Variants in FREM1 observed in about 807,000 individuals in gnomAD.
FREM1 encodes FRAS1 related extracellular matrix 1.
Under a neutral mutation model 210.1 loss-of-function variants are expected in FREM1, and 220 were observed. That is an observed-to-expected ratio of 1.05 (90% CI 0.94 to 1.17). FREM1 has a LOEUF of 1.17. Among genes scored for constraint, FREM1 ranks in the 50% most tolerant of loss-of-function variants. The pLI, the probability that FREM1 is intolerant of heterozygous loss-of-function variation, is 0.00. For missense variants in FREM1, 3,454 were observed against 2,675.5 expected, an observed-to-expected ratio of 1.29 and a Z score of -6.42; for synonymous variants, 1,189 against 980.2, an observed-to-expected ratio of 1.21 and a Z score of -3.98.
At position 14,851,360 on chromosome 9, in the gene FREM1, G is replaced by A. The variant is rs1468684641; in HGVS notation, c.1076C>T (p.Thr359Ile). Residue 359 changes from threonine to isoleucine, a missense_variant, in exon 6 of 37, where the codon ACC becomes ATC. By Grantham distance (89) the Thr-to-Ile change is moderately conservative. Transcript: ENST00000380880. ...LDHTRPISSF[T>I]WKDLSDMQIA... ...CTGCATGTCACTGAGATCTTTCCAG[G>A]TGAATGAGGAGATTGGTCTGGTGTG... 3 of 1,613,648 alleles carry A rather than the reference G, an allele frequency of 1.9e-6. No homozygotes were observed. The highest frequency in any genetic ancestry group is 1.1e-5 in the South Asian group (1 of 91,066).
chr9:14,802,110 A>G (rs981313334), intron 19 of FREM1, among the ~76,000 whole-genome samples: 2 of 152,186 alleles, frequency 1.3e-5, no homozygotes, highest in African/African-American at 4.8e-5. Flanking sequence ...ATTCATTTCC[A>G]TGAAGGACAA....
chr9:14,870,940 T>C (rs990333863), intron 1 of FREM1, among the ~76,000 whole-genome samples: 2 of 151,908 alleles, frequency 1.3e-5, no homozygotes, highest in African/African-American at 4.8e-5. Context: ...TTACTGAGAA[T>C]GATGATTTCC....
At chr9:14,870,970 C>G (rs1206039447) in intron 1 of FREM1, among the ~76,000 whole-genome samples, 1 of 152,006 alleles carries the variant, frequency 6.6e-6, no homozygotes, top group African/African-American at 2.4e-5. Flanking sequence ...CATGTCCCTA[C>G]AAAGGACATG....
intron 1 of FREM1, among the ~76,000 whole-genome samples, chr9:14,879,313 TTGAG>T (rs1193848457): frequency 4.8e-5 from 2 of 41,724 alleles, no homozygotes; most frequent in African/African-American, 5.7e-4. Context: ...AACACTGAGG[TTGAG>T]GAGGTTGAGA....
chr9:14,837,066 C>T (rs923083219), intron 10 of FREM1, among the ~76,000 whole-genome samples: 3 of 152,202 alleles, frequency 2.0e-5, no homozygotes, highest in Non-Finnish European at 4.4e-5. Context: ...CCCAACATGG[C>T]GATTCCCTTG....
chr9:14,898,588 A>G (rs1838192587), intron 1 of FREM1, among the ~76,000 whole-genome samples: 1 of 152,164 alleles, frequency 6.6e-6, no homozygotes, highest in Non-Finnish European at 1.5e-5. Flanking sequence ...CCAAAAATAC[A>G]AAAATCAGCC....
chr9:14,863,784 T>C (rs1831009365), intron 3 of FREM1, 25 bp downstream of exon 3: 4 of 1,427,700 alleles, frequency 2.8e-6, no homozygotes, highest in Admixed American at 1.7e-5. Context: ...TGGCAGCAAA[T>C]GAGCGATGTT....
At chr9:14,886,384 C>CA (rs60702421) in intron 1 of FREM1, among the ~76,000 whole-genome samples, 30,161 of 59,498 alleles carry the variant, frequency 0.51, 8,317 homozygotes, top group East Asian at 0.82. Context: ...GACTCCGACT[C>CA]AAAAAAAAAA....
At chr9:14,742,989 T>A (rs953800816) in intron 35 of FREM1, among the ~76,000 whole-genome samples, 1 of 152,076 alleles carries the variant, frequency 6.6e-6, no homozygotes, top group Non-Finnish European at 1.5e-5. Flanking sequence ...GAACCTCTTT[T>A]TAAAATAAAT....
In FREM1 at chr9:14,793,445, A is replaced by G. The variant is rs540826296; in HGVS notation, c.3840-561T>C. The stretch of plus-strand genomic sequence containing the variant: ...TCTTGTTGTAGATTCATCTTTTCCC[A>G]GTGTTACAGATGCCAGGTCAGCTCC... On this transcript the variant is annotated intron_variant, in intron 21 of 36. Transcript: ENST00000380880. Among the ~76,000 whole-genome samples, 9 of 152,298 alleles carry G rather than the reference A, an allele frequency of 5.9e-5. No homozygotes were observed. In the South Asian group the frequency reaches 1.2e-3, roughly 21 times the overall value.
At chr9:14,783,185 C>A (rs1422917845) in intron 24 of FREM1, among the ~76,000 whole-genome samples, 1 of 152,134 alleles carries the variant, frequency 6.6e-6, no homozygotes, top group Non-Finnish European at 1.5e-5. Flanking sequence ...AATCAGCTTT[C>A]AAAAATCATT....
intron 10 of FREM1, among the ~76,000 whole-genome samples, chr9:14,840,635 C>T (rs143722610): frequency 8.5e-5 from 13 of 152,302 alleles, no homozygotes; most frequent in Non-Finnish European, 1.8e-4. Context: ...TCCCATGACA[C>T]GTGGGAATTG....
Position 14,842,338 on chromosome 9 carries a change from C to T in FREM1, c.1716G>A (p.Lys572=). ...TKPPQAGEIM[K]KPGPGLIGYP... ...TACCTATCAGTCCTGGCCCTGGCTTCTTCATGATCTCCCCAGCCTGTGGAG... is the reference window on the plus strand; with the variant it reads ...TACCTATCAGTCCTGGCCCTGGCTTTTTCATGATCTCCCCAGCCTGTGGAG... The change falls in exon 9 of 37, where the codon AAG becomes AAA. Residue 572 remains lysine (K), a synonymous_variant. Transcript: ENST00000380880. 1 of 1,592,628 alleles carries T rather than the reference C, an allele frequency of 6.3e-7. No individual in the cohort carries two copies. The highest frequency in any genetic ancestry group is 8.6e-7 in the Non-Finnish European group (1 of 1,168,120).
At chr9:14,879,748 A>C (rs1834446882) in intron 1 of FREM1, among the ~76,000 whole-genome samples, 2 of 152,336 alleles carry the variant, frequency 1.3e-5, no homozygotes, top group South Asian at 4.1e-4. Context: ...CATTCGGTAA[A>C]GCAACTCTAA....
rs538109023 is a variant in FREM1 at position 14,792,683 on chromosome 9, A to C, written c.3981+60T>G. 121 of 1,272,404 alleles carry C rather than the reference A, an allele frequency of 9.5e-5. 2 individuals carry two copies. The South Asian group carries it at 1.9e-3, about 20-fold the overall frequency. The allele number at this position is 1,272,404 out of a possible 1,614,324, so 78.8% of individuals were successfully genotyped here. A position where few individuals can be genotyped will look rare whatever the true frequency, so the allele number is the denominator to read the frequency against. Reference sequence around the variant, plus strand: ...TAAATCCCATCATAGAAATGTGTATATTGAGAAGATTTATACCTGCTACGT... The same window carrying C: ...TAAATCCCATCATAGAAATGTGTATCTTGAGAAGATTTATACCTGCTACGT... On this transcript the variant is annotated intron_variant, in intron 22 of 36. Transcript: ENST00000380880.
intron 21 of FREM1, among the ~76,000 whole-genome samples, chr9:14,797,086 G>C (rs1563950151): frequency 6.6e-6 from 1 of 152,216 alleles, no homozygotes; most frequent in Non-Finnish European, 1.5e-5. Flanking sequence ...TTAGTTACAA[G>C]TTTCAGCAAA....
intron 1 of FREM1, among the ~76,000 whole-genome samples, chr9:14,878,974 G>A (rs1437166759): frequency 3.3e-5 from 5 of 152,002 alleles, no homozygotes; most frequent in African/African-American, 9.7e-5. Context: ...TGGCCATCAC[G>A]GTGAAACCCC....
At chr9:14,825,548 T>TGTGTTTATATATATAC in intron 10 of FREM1, among the ~76,000 whole-genome samples, 1 of 43,302 alleles carries the variant, frequency 2.3e-5, no homozygotes, top group Non-Finnish European at 4.8e-5. Flanking sequence ...TGTGTGTGTG[T>TGTGTTTATATATATAC]ATATATATAT....
At chr9:14,745,847 G>A (rs547630457) in intron 35 of FREM1, among the ~76,000 whole-genome samples, 32 of 152,270 alleles carry the variant, frequency 2.1e-4, no homozygotes, top group African/African-American at 7.7e-4. Context: ...CTTTTACCCA[G>A]TGAGCCTTTG....
Sources: allele counts gnomAD v4.1 joint callset (sites outside exome capture counted in the v4.1 genomes callset), GRCh38; gene constraint gnomAD v4.1.1; transcripts MANE v1.5; gene names NCBI Gene and HGNC (gene_info 2026-07-23, HGNC 2026-07-21).